Variants in HCN4 observed in about 807,000 individuals in gnomAD.
The protein encoded by HCN4 is potassium/sodium hyperpolarization-activated cyclic nucleotide-gated channel 4.
Under a neutral mutation model 76.9 loss-of-function variants are expected in HCN4, and 29 were observed. The observed-to-expected ratio is 0.38, with a 90% CI of 0.28 to 0.51. HCN4 has a LOEUF of 0.51. Ranked by LOEUF, HCN4 falls within the 20% of genes least tolerant of loss-of-function variation. The pLI, the probability that HCN4 is intolerant of heterozygous loss-of-function variation, is 0.90. For synonymous variants in HCN4, 772 were observed against 762.5 expected, an observed-to-expected ratio of 1.01 and a Z score of -0.21; for missense variants, 1,416 against 1,715.2, an observed-to-expected ratio of 0.83 and a Z score of 3.08.
At position 73,323,391 on chromosome 15, in the gene HCN4, G is replaced by C. The variant is rs1482036778; in HGVS notation, c.2702C>G (p.Ala901Gly). The change falls in exon 8 of 8, where the codon GCC (alanine) becomes GGC (glycine). Residue 901 changes from alanine to glycine, a missense_variant. Ala to Gly is a moderately conservative substitution (Grantham distance 60). This residue lies in a region of HCN4 where 633 missense variants were observed against 579.8 expected (regional missense o/e 1.09). Coordinates refer to ENST00000261917, the MANE Select transcript of HCN4 (RefSeq NM_005477.3). The stretch of plus-strand genomic sequence containing the variant: ...GTGGCCAAACCCGGCTATGGTGGTG[G>C]CGGCTACGCCAGCTGATGGTGTGGG... Reference protein sequence around the residue: ...SAPTPSAGVAATTIAGFGHFH... With the variant: ...SAPTPSAGVAGTTIAGFGHFH... The C allele has an allele frequency of 1.9e-6, 3 of 1,590,898 alleles. No homozygotes were observed.
chr15:73,352,592 A>G (rs1464173527), intron 1 of HCN4, among the ~76,000 whole-genome samples: 2 of 152,230 alleles, frequency 1.3e-5, no homozygotes, highest in African/African-American at 2.4e-5. Flanking sequence ...TTGTGGCTAA[A>G]GACTGCCAAC....
chr15:73,352,609 C>A (rs908016723), intron 1 of HCN4, among the ~76,000 whole-genome samples: 3 of 152,146 alleles, frequency 2.0e-5, no homozygotes, highest in African/African-American at 7.2e-5. Context: ...CAACCAGGGC[C>A]CTGACTGTGT....
chr15:73,368,032 G>A lies in HCN4; in HGVS notation c.239C>T (p.Pro80Leu). The A allele has an allele frequency of 7.0e-7, 1 of 1,438,580 alleles. No homozygotes were observed. Among genetic ancestry groups the A allele is most frequent in the Non-Finnish European group, 9.1e-7 (1 of 1,102,702 alleles). 89.1% of individuals were successfully genotyped at this position (1,438,580 alleles called of 1,614,324 possible). ...SALGAADSEGPARGAGKSSTN... is the reference protein window; with the variant it reads ...SALGAADSEGLARGAGKSSTN... ...GCTGGACTTGCCCGCGCCGCGGGCC[G>A]GCCCTTCGCTGTCCGCTGCCCCGAG... Residue 80 changes from proline (P) to leucine (L), a missense_variant, in exon 1 of 8, where the codon CCG (proline) becomes CTG (leucine). Around this residue, in one of 6 missense-constraint regions of HCN4, gnomAD observed 355 missense variants for 347.8 expected, o/e 1.02. Transcript: ENST00000261917. This position sits in a 1 kb window ranked among gnomAD's most constrained non-coding sequence, Gnocchi z 6.9.
Position 73,323,124 on chromosome 15 carries a change from G to C in HCN4, c.2969C>G (p.Pro990Arg), listed in dbSNP as rs755329686. Residue 990 changes from proline (P) to arginine (R), a missense_variant, in exon 8 of 8, where the codon CCA becomes CGA. By Grantham distance (103) the Pro-to-Arg change is moderately radical. Coordinates refer to ENST00000261917, the MANE Select transcript of HCN4 (RefSeq NM_005477.3). The part of the protein sequence containing the change: ...GELSLGLATG[P>R]LSTPETPPRQ... ...TGGGGGTGTCTCTGGCGTGCTCAGT[G>C]GGCCAGTGGCCAGACCTAGGGACAA... The C allele has an allele frequency of 1.9e-6, 3 of 1,594,142 alleles. No individual in the cohort carries two copies. The highest frequency in any genetic ancestry group is 2.6e-6 in the Non-Finnish European group (3 of 1,171,998).
At chr15:73,340,897 G>A (rs1361379708) in intron 2 of HCN4, 3 of 152,234 alleles carry the variant, frequency 2.0e-5, no homozygotes, top group Admixed American at 1.3e-4. Context: ...GCATGGAACA[G>A]GAAGACAGGA....
chr15:73,321,408 C>A lies in HCN4; in HGVS notation c.*1073G>T, dbSNP rs1232646355. On this transcript the variant is annotated 3_prime_UTR_variant, in exon 8 of 8. Transcript: ENST00000261917. ...AGTTACATGATTCTGGAAAAATTAC[C>A]CAAAACTGTTTCTTCCTCTGCTAAA... The A allele has an allele frequency of 6.6e-6, 1 of 152,244 alleles. No homozygotes were observed. Among genetic ancestry groups the A allele is most frequent in the African/African-American group, 2.4e-5 (1 of 41,460 alleles). 9.4% of individuals were successfully genotyped at this position (152,244 alleles called of 1,614,324 possible). A position where few individuals can be genotyped will look rare whatever the true frequency, so the allele number is the denominator to read the frequency against.
Position 73,367,468 on chromosome 15 carries a change from A to T in HCN4, c.785+18T>A, listed in dbSNP as rs1412056222. The T allele has an allele frequency of 1.9e-6, 3 of 1,612,616 alleles. No homozygotes were observed. Among genetic ancestry groups the T allele is most frequent in the African/African-American group, 1.3e-5 (1 of 75,010 alleles). On this transcript the variant is annotated intron_variant, in intron 1 of 7. Transcript: ENST00000261917. This position sits in a 1 kb window ranked among gnomAD's most constrained non-coding sequence, Gnocchi z 7.5. ...CACCGCGCAGGGCACCCACAGGATC[A>T]TCGCTGTGGCCCCTTACCTGAAGTC...
At chr15:73,349,181 G>A (rs2043041890) in intron 1 of HCN4, among the ~76,000 whole-genome samples, 1 of 152,030 alleles carries the variant, frequency 6.6e-6, no homozygotes, top group South Asian at 2.1e-4. Context: ...CAACTCATAT[G>A]CCCTCTGGGT....
chr15:73,352,840 C>G (rs1471701182), intron 1 of HCN4, among the ~76,000 whole-genome samples: 4 of 152,224 alleles, frequency 2.6e-5, no homozygotes, highest in African/African-American at 9.6e-5. Flanking sequence ...CCCTCCATTC[C>G]CCAACCAGAC....
In HCN4 at chr15:73,323,285, C is replaced by A. The variant is rs759771224; in HGVS notation, c.2808G>T (p.Pro936=). The change falls in exon 8 of 8, where the codon CCG becomes CCT. Residue 936 remains proline (P), a synonymous_variant. Transcript: ENST00000261917. ...GCGCGGGAGATGGCTGGGCAGCCTG[C>A]GGGGAGCGGGCGCCTGGCTGCAGCG... ...LTPLQPGARS[P]QAAQPSPAPP... 1 of 1,533,864 alleles carries A rather than the reference C, an allele frequency of 6.5e-7. No homozygotes were observed. The highest frequency in any genetic ancestry group is 1.2e-5 in the South Asian group (1 of 80,256).
At position 73,322,999 on chromosome 15, in the gene HCN4, G is replaced by A; in HGVS notation, c.3094C>T (p.Pro1032Ser). The part of the protein sequence containing the change: ...RGGLSPPGHS[P>S]GPPRTFPSAP... ...CTCGGGAAGGTTCTTGGGGGGCCTG[G>A]GCTGTGGCCAGGGGGGCTGAGACCT... The change falls in exon 8 of 8, where the codon CCA becomes TCA. Residue 1032 changes from proline (P) to serine (S), a missense_variant. Around this residue, in one of 6 missense-constraint regions of HCN4, gnomAD observed 633 missense variants for 579.8 expected, o/e 1.09. Coordinates refer to ENST00000261917, the MANE Select transcript of HCN4 (RefSeq NM_005477.3). 1.4e-6 allele frequency: 2 copies of A among 1,459,760 alleles called. No individual in the cohort carries two copies. Among genetic ancestry groups the A allele is most frequent in the East Asian group, 2.4e-5 (1 of 41,818 alleles). 90.4% of individuals were successfully genotyped at this position (1,459,760 alleles called of 1,614,324 possible).
At chr15:73,334,068 T>A (rs1309667383) in intron 2 of HCN4, among the ~76,000 whole-genome samples, 3 of 152,086 alleles carry the variant, frequency 2.0e-5, no homozygotes, top group Non-Finnish European at 4.4e-5. Context: ...GCAAGCTGGG[T>A]CCTAGGCCAG....
Position 73,323,783 on chromosome 15 carries a change from C to T in HCN4, c.2310G>A (p.Thr770=), listed in dbSNP as rs146809501. 1.9e-6 allele frequency: 3 copies of T among 1,607,700 alleles called. No individual in the cohort carries two copies. The highest frequency in any genetic ancestry group is 1.7e-5 in the Admixed American group (1 of 59,968). Residue 770 remains threonine, a synonymous_variant, in exon 8 of 8, where the codon ACG becomes ACA. Coordinates refer to ENST00000261917, the MANE Select transcript of HCN4 (RefSeq NM_005477.3). ...QAAASATPTP[T]PVIWTPLIQA... ...GGATCAGCGGGGTCCAGATGACGGG[C>T]GTGGGGGTTGGGGTGGCAGAGGCAG...
chr15:73,367,734 G>C lies in HCN4; in HGVS notation c.537C>G (p.Cys179Trp), dbSNP rs753829397. The C allele has an allele frequency of 6.3e-7, 1 of 1,587,330 alleles. No homozygotes were observed. Among genetic ancestry groups the C allele is most frequent in the Non-Finnish European group, 8.5e-7 (1 of 1,174,538 alleles). The change falls in exon 1 of 8, where the codon TGC (cysteine) becomes TGG (tryptophan). Residue 179 changes from cysteine (C) to tryptophan (W), a missense_variant. Cys to Trp is a radical substitution (Grantham distance 215). This residue lies in a region of HCN4 where 355 missense variants were observed against 347.8 expected (regional missense o/e 1.02). Transcript: ENST00000261917. This position sits in a 1 kb window ranked among gnomAD's most constrained non-coding sequence, Gnocchi z 7.5. ...QQPPQPASASCEQPSVDTAIK... is the reference protein window; with the variant it reads ...QQPPQPASASWEQPSVDTAIK... ...TAGCGGTGTCCACCGAGGGCTGCTC[G>C]CAGGAGGCGGAGGCCGGCTGCGGTG...
chr15:73,334,651 C>T (rs755949491), intron 2 of HCN4, among the ~76,000 whole-genome samples: 8 of 151,958 alleles, frequency 5.3e-5, no homozygotes, highest in Non-Finnish European at 1.0e-4. Context: ...GTCTCAGAGC[C>T]GGCCATCCTC....
intron 2 of HCN4, among the ~76,000 whole-genome samples, chr15:73,337,689 G>A (rs2042975141): frequency 6.6e-6 from 1 of 152,184 alleles, no homozygotes; most frequent in Non-Finnish European, 1.5e-5. Flanking sequence ...GAAGGGCTTC[G>A]TGATGAAGGT....
rs749788426 is a variant in HCN4 at position 73,332,181 on chromosome 15, T to C, written c.1321A>G (p.Met441Val). Reference sequence around the variant, plus strand: ...CAGTCGTCAGGGAAGTCCTGTAGCATGGGTACCAGGAACTGCAGGCAGCCG... The same window carrying C: ...CAGTCGTCAGGGAAGTCCTGTAGCACGGGTACCAGGAACTGCAGGCAGCCG... ...WDGCLQFLVP[M>V]LQDFPDDCWV... is the part of the protein sequence containing the mutation. The change falls in exon 3 of 8, where the codon ATG becomes GTG. Residue 441 changes from methionine to valine, a missense_variant. Met to Val is a conservative substitution (Grantham distance 21, BLOSUM62 1). Coordinates refer to ENST00000261917, the MANE Select transcript of HCN4 (RefSeq NM_005477.3). 1.2e-6 allele frequency: 2 copies of C among 1,614,144 alleles called. No individual in the cohort carries two copies. The highest frequency in any genetic ancestry group is 2.2e-5 in the East Asian group (1 of 44,882).
Position 73,332,303 on chromosome 15 carries a change from A to G in HCN4, c.1210-11T>C. On this transcript the variant is annotated splice_polypyrimidine_tract_variant and intron_variant, in intron 2 of 7. Coordinates refer to ENST00000261917, the MANE Select transcript of HCN4 (RefSeq NM_005477.3). ...GGTCATGTGGAAGATCTGCCAGCAGAGGAGGAGAAATTGGCTGGGATAGGT... is the reference window on the plus strand; with the variant it reads ...GGTCATGTGGAAGATCTGCCAGCAGGGGAGGAGAAATTGGCTGGGATAGGT... The G allele has an allele frequency of 6.2e-7, 1 of 1,614,106 alleles. No homozygotes were observed. Among genetic ancestry groups the G allele is most frequent in the Non-Finnish European group, 8.5e-7 (1 of 1,179,964 alleles).
At position 73,322,741 on chromosome 15, in the gene HCN4, G is replaced by C; in HGVS notation, c.3352C>G (p.Leu1118Val). The change falls in exon 8 of 8, where the codon CTC becomes GTC. Residue 1118 changes from leucine to valine, a missense_variant. Physicochemically the swap from Leu to Val is conservative, Grantham distance 32 (BLOSUM62 1). Transcript: ENST00000261917. The part of the protein sequence containing the change: ...SSGESMAAFP[L>V]FPRAGGGSGG... ...CTGCCACCCCCAGCCCTGGGGAAGA[G>C]CGGGAAGGCAGCCATGGACTCCCCT... 1 of 1,562,918 alleles carries C rather than the reference G, an allele frequency of 6.4e-7. No homozygotes were observed. Among genetic ancestry groups the C allele is most frequent in the African/African-American group, 1.3e-5 (1 of 74,262 alleles).
Sources: gnomAD v4.1 joint callset for allele counts (sites outside exome capture counted in the v4.1 genomes callset) on GRCh38, gnomAD v4.1.1 for gene constraint, gnomAD v4.1.1 regional missense constraint, Gnocchi (gnomAD v3.1) non-coding constraint, MANE v1.5 for transcripts, NCBI Gene and HGNC (gene_info 2026-07-23, HGNC 2026-07-21) for gene names.